SH3PXD2A: variants seen among roughly 807,000 people sequenced by gnomAD.
SH3PXD2A encodes the protein SH3 and PX domain-containing protein 2A.
A neutral mutation model predicts 115.2 loss-of-function variants in SH3PXD2A; 32 were observed. The ratio of observed to expected loss-of-function variants is 0.28; its 90% CI spans 0.21 to 0.37. The LOEUF (loss-of-function observed/expected upper bound fraction) is 0.37. SH3PXD2A is among the 10% of genes least tolerant of loss of function. SH3PXD2A has a pLI of 1.00. For missense variants in SH3PXD2A, 1,328 were observed against 1,498.7 expected, an observed-to-expected ratio of 0.89 and a Z score of 1.88; for synonymous variants, 610 against 629.1, an observed-to-expected ratio of 0.97 and a Z score of 0.45.
intron 3 of SH3PXD2A, among the ~76,000 whole-genome samples, chr10:103,751,512 G>T (rs1457094492): frequency 6.6e-6 from 1 of 152,210 alleles, no homozygotes; most frequent in Non-Finnish European, 1.5e-5. Flanking sequence ...CAAACAACTA[G>T]TAAGGAGCAC....
intron 1 of SH3PXD2A, among the ~76,000 whole-genome samples, chr10:103,828,629 C>T (rs1337660021): frequency 1.3e-5 from 2 of 152,152 alleles, no homozygotes; most frequent in African/African-American, 4.8e-5. Flanking sequence ...AGGGAGCCCT[C>T]CTGGCTGAGA....
intron 3 of SH3PXD2A, among the ~76,000 whole-genome samples, chr10:103,748,414 G>A (rs750805098): frequency 2.1e-4 from 32 of 152,140 alleles, no homozygotes; most frequent in Non-Finnish European, 1.3e-4. Flanking sequence ...CTTTCCTGAC[G>A]GGGTACATCT....
chr10:103,677,018 G>A (rs1377447104), intron 6 of SH3PXD2A, among the ~76,000 whole-genome samples: 3 of 152,128 alleles, frequency 2.0e-5, no homozygotes, highest in Admixed American at 6.5e-5. Context: ...GTCAGCAGTC[G>A]CTGGTCTCCA....
chr10:103,804,035 G>A (rs746964290), intron 1 of SH3PXD2A, among the ~76,000 whole-genome samples: 1 of 152,134 alleles, frequency 6.6e-6, no homozygotes, highest in Non-Finnish European at 1.5e-5. Context: ...AGGAGTGTCT[G>A]GATTAAGATA....
chr10:103,617,592 C>T (rs2281587), intron 10 of SH3PXD2A, among the ~76,000 whole-genome samples: 44,881 of 152,186 alleles, frequency 0.29, 7,445 homozygotes, highest in South Asian at 0.52. Flanking sequence ...TCGGCTCTCC[C>T]AGCCTGATAA....
intron 6 of SH3PXD2A, among the ~76,000 whole-genome samples, chr10:103,673,717 T>A (rs971039261): frequency 1.3e-5 from 2 of 152,222 alleles, no homozygotes; most frequent in African/African-American, 4.8e-5. Context: ...TTCCCTGGTG[T>A]AAAGCAAGTT....
intron 5 of SH3PXD2A, among the ~76,000 whole-genome samples, chr10:103,709,831 C>A (rs1281888049): frequency 6.6e-6 from 1 of 152,216 alleles, no homozygotes; most frequent in Non-Finnish European, 1.5e-5. Flanking sequence ...GCTGGCCGGG[C>A]AAGGTGGCTC....
chr10:103,629,111 C>T (rs143026479), intron 8 of SH3PXD2A, among the ~76,000 whole-genome samples: 1 of 152,346 alleles, frequency 6.6e-6, no homozygotes, highest in East Asian at 1.9e-4. Context: ...CAGGTAAACT[C>T]TCTACCCCTG....
At position 103,620,786 on chromosome 10, in the gene SH3PXD2A, G is replaced by A. The variant is rs1017063211; in HGVS notation, c.802+1684C>T. ...CTTAGGTATGGGTGACCAAGAATTA[G>A]GCATTTCATTGCGTATTTGTGTCTC... On this transcript the variant is annotated intron_variant, in intron 10 of 14. Transcript: ENST00000369774. The surrounding 1 kb of genome is among the most constrained non-coding windows in gnomAD (Gnocchi z 5.3). 6.6e-6 allele frequency among the ~76,000 whole-genome samples: 1 copy of A among 152,160 alleles called. No individual in the cohort carries two copies. Among genetic ancestry groups the A allele is most frequent in the Non-Finnish European group, 1.5e-5 (1 of 68,032 alleles).
chr10:103,628,073 G>T (rs1013355714), intron 8 of SH3PXD2A, among the ~76,000 whole-genome samples: 4 of 152,328 alleles, frequency 2.6e-5, no homozygotes, highest in African/African-American at 9.6e-5. Context: ...GCAAGTGGCC[G>T]CCCAAGGATC....
At chr10:103,624,858 C>A (rs1296902647) in intron 9 of SH3PXD2A, among the ~76,000 whole-genome samples, 2 of 152,178 alleles carry the variant, frequency 1.3e-5, no homozygotes, top group Non-Finnish European at 1.5e-5. Flanking sequence ...GGGGACCCAT[C>A]CCTGAGCCCT....
intron 8 of SH3PXD2A, among the ~76,000 whole-genome samples, chr10:103,633,441 C>T (rs565307903): frequency 5.1e-4 from 77 of 151,398 alleles, no homozygotes; most frequent in Non-Finnish European, 8.7e-4. Flanking sequence ...AACAAAAAAA[C>T]GCTGGGCGTG....
intron 3 of SH3PXD2A, among the ~76,000 whole-genome samples, chr10:103,744,435 G>T (rs1047971937): frequency 2.0e-5 from 3 of 152,126 alleles, no homozygotes; most frequent in Non-Finnish European, 4.4e-5. Flanking sequence ...TTACAGGCAT[G>T]AGCCACCGCA....
rs934425732 is a variant in SH3PXD2A at position 103,807,255 on chromosome 10, C to T, written c.73-5893G>A. 4.6e-5 allele frequency among the ~76,000 whole-genome samples: 7 copies of T among 152,286 alleles called. No individual in the cohort carries two copies. In the East Asian group the frequency reaches 1.2e-3, roughly 25 times the overall value. On this transcript the variant is annotated intron_variant, in intron 1 of 14. Coordinates refer to ENST00000369774, the MANE Select transcript of SH3PXD2A (RefSeq NM_001394015.1). Reference sequence around the variant, plus strand: ...AACCATTCCTAGAAGGCCTAGGACCCGCCTTGTGTTTAATTAGAAAGTGCT... The same window carrying T: ...AACCATTCCTAGAAGGCCTAGGACCTGCCTTGTGTTTAATTAGAAAGTGCT...
At chr10:103,647,528 A>G (rs1358499417) in intron 8 of SH3PXD2A, among the ~76,000 whole-genome samples, 1 of 152,168 alleles carries the variant, frequency 6.6e-6, no homozygotes, top group Non-Finnish European at 1.5e-5. Context: ...CTTTAAATCC[A>G]AGGAGGCAAG....
chr10:103,806,952 C>A (rs1427994656), intron 1 of SH3PXD2A, among the ~76,000 whole-genome samples: 1 of 152,196 alleles, frequency 6.6e-6, no homozygotes, highest in Non-Finnish European at 1.5e-5. Flanking sequence ...ACGCTCTGGC[C>A]CAACCAGTCC....
rs369279710 is a variant in SH3PXD2A at position 103,625,354 on chromosome 10, C to T, written c.718+1735G>A. Among the ~76,000 whole-genome samples, 9 of 152,210 alleles carry T rather than the reference C, an allele frequency of 5.9e-5. No individual in the cohort carries two copies. In the East Asian group the frequency reaches 1.5e-3, roughly 26 times the overall value. ...GCCCTAGAGCTGCCTGTACTGCTTA[C>T]GAGCAAAATGCTTCACAGAGAGGTG... On this transcript the variant is annotated intron_variant, in intron 9 of 14. Transcript: ENST00000369774.
intron 4 of SH3PXD2A, among the ~76,000 whole-genome samples, chr10:103,728,740 A>T (rs1475607936): frequency 1.3e-5 from 2 of 152,212 alleles, no homozygotes; most frequent in Non-Finnish European, 2.9e-5. Context: ...ATCCTGTAGG[A>T]CTGTGTCATT....
intron 2 of SH3PXD2A, among the ~76,000 whole-genome samples, chr10:103,775,552 A>G (rs1206562488): frequency 6.6e-6 from 1 of 152,074 alleles, no homozygotes; most frequent in Non-Finnish European, 1.5e-5. Context: ...TTCCAGGGGG[A>G]GGAATGGCAG....
Sources: allele counts gnomAD v4.1 joint callset (sites outside exome capture counted in the v4.1 genomes callset), GRCh38; gene constraint gnomAD v4.1.1; non-coding constraint Gnocchi (gnomAD v3.1); transcripts MANE v1.5; gene names NCBI Gene and HGNC (gene_info 2026-07-23, HGNC 2026-07-21).